RUNX3: variants seen among roughly 807,000 people sequenced by gnomAD.
RUNX3 encodes the protein runt-related transcription factor 3.
Under a neutral mutation model 27.7 loss-of-function variants are expected in RUNX3, and 10 were observed. The observed-to-expected ratio is 0.36, with a 90% confidence interval of 0.22 to 0.61. The LOEUF (loss-of-function observed/expected upper bound fraction) is 0.61, where lower values mean the gene tolerates loss of function less well. Among genes scored for constraint, RUNX3 ranks in the 20% least tolerant of loss-of-function variants. The pLI is 0.72. For missense variants in RUNX3, 469 were observed against 629.5 expected (o/e 0.75, Z 2.73); for synonymous variants, 270 against 269.2 (o/e 1.00, Z -0.03).
At chr1:24,934,588 T>A (rs1158820663), upstream of RUNX3, among the ~76,000 whole-genome samples, 3 of 152,164 alleles carry the variant, frequency 2.0e-5, no homozygotes, top group Non-Finnish European at 2.9e-5. Context: ...GCGCCGCACA[T>A]GGGCATTGCT....
chr1:24,932,108 T>A (rs1323593070), upstream of RUNX3, among the ~76,000 whole-genome samples: 1 of 152,222 alleles, frequency 6.6e-6, no homozygotes. Context: ...CAGGTGGTGG[T>A]AAATTCCATT....
chr1:24,914,972 C>T (rs1442056766), intron 3 of RUNX3, among the ~76,000 whole-genome samples: 5 of 152,224 alleles, frequency 3.3e-5, no homozygotes, highest in Admixed American at 3.3e-4. Flanking sequence ...TGTTTTTCTT[C>T]ATAGGACTTC....
chr1:24,951,869 T>C (rs1641776518), intron 2 of RUNX3, among the ~76,000 whole-genome samples: 1 of 152,130 alleles, frequency 6.6e-6, no homozygotes, highest in African/African-American at 2.4e-5. Context: ...GAGGATTAAA[T>C]GAGCTAAGGT....
rs1047340194 is a variant in RUNX3, at chr1:24,902,787, G to T, written c.704-121C>A. 37 of 837,592 alleles carry T rather than the reference G, an allele frequency of 4.4e-5. No individual in the cohort carries two copies. In the Admixed American group the frequency reaches 9.1e-4, roughly 20 times the overall value. The allele number at this position is 837,592 out of a possible 1,614,324, so 51.9% of individuals were successfully genotyped here. A position where few individuals can be genotyped will look rare whatever the true frequency, so the allele number is the denominator to read the frequency against. ...CTGGGGGACCCCTAGTTCTAGACCTGGCTCTCCTCTTCCTGCCCTAGGCTG... is the reference window on the plus strand; with the variant it reads ...CTGGGGGACCCCTAGTTCTAGACCTTGCTCTCCTCTTCCTGCCCTAGGCTG... On this transcript the variant is annotated intron_variant, in intron 4 of 4. Coordinates refer to ENST00000308873, the MANE Select transcript of RUNX3 (RefSeq NM_004350.3). The surrounding 1 kb of genome is among the most constrained non-coding windows in gnomAD (Gnocchi z 9.2).
rs923551593 is a variant in RUNX3, at chr1:24,901,941, C to T, written c.*181G>A. The T allele has an allele frequency of 1.5e-5, 9 of 592,508 alleles. No individual in the cohort carries two copies. In the African/African-American group the frequency reaches 1.7e-4, roughly 11 times the overall value. The allele number at this position is 592,508 out of a possible 1,614,324, so 36.7% of individuals were successfully genotyped here. On this transcript the variant is annotated 3_prime_UTR_variant, in exon 5 of 5. Coordinates refer to ENST00000308873, the MANE Select transcript of RUNX3 (RefSeq NM_004350.3). ...GGGGTGGGGGTGGTAACCTATGCCTCTGTACAAGGATGTGGCTGCACAGAT... is the reference window on the plus strand; with the variant it reads ...GGGGTGGGGGTGGTAACCTATGCCTTTGTACAAGGATGTGGCTGCACAGAT...
At chr1:24,922,568 C>G (rs549460239) in intron 2 of RUNX3, among the ~76,000 whole-genome samples, 197 of 152,272 alleles carry the variant, frequency 1.3e-3, no homozygotes, top group African/African-American at 4.3e-3. Flanking sequence ...CTCATCACAA[C>G]TTCAAAACCA....
At chr1:24,941,510 G>A (rs1396139744) in intron 2 of RUNX3, among the ~76,000 whole-genome samples, 3 of 152,238 alleles carry the variant, frequency 2.0e-5, no homozygotes, top group Admixed American at 6.5e-5. Flanking sequence ...CGGAGGCATA[G>A]CAAGGTCAGG....
intron 4 of RUNX3, among the ~76,000 whole-genome samples, chr1:24,903,350 T>C (rs1212456726): frequency 6.6e-6 from 1 of 152,122 alleles, no homozygotes; most frequent in Non-Finnish European, 1.5e-5. Flanking sequence ...TGGGCCTGTG[T>C]CTCTGGAGCC....
chr1:24,911,735 T>C (rs1292431700), intron 3 of RUNX3, among the ~76,000 whole-genome samples: 3 of 152,120 alleles, frequency 2.0e-5, no homozygotes, highest in African/African-American at 7.2e-5. Context: ...CAGGGCTCTT[T>C]TCCTGACACT....
At chr1:24,964,425 T>C in intron 2 of RUNX3, 1 of 1,082,540 alleles carries the variant, frequency 9.2e-7, no homozygotes, top group South Asian at 1.3e-5. Flanking sequence ...GGCTGTGCGC[T>C]TGAGGGCAGC....
At chr1:24,908,269 G>A (rs1283540531) in intron 3 of RUNX3, among the ~76,000 whole-genome samples, 2 of 150,272 alleles carry the variant, frequency 1.3e-5, no homozygotes, top group Non-Finnish European at 2.9e-5. Flanking sequence ...GACACGCGGT[G>A]ATCCAAACCT....
rs918428535 is a variant in RUNX3 at position 24,927,067 on chromosome 1, G to A, written c.439+507C>T. ...TTCAGCTGCGTTAGCTTCCGTTCTA[G>A]ACCACCTAGGGCTCAAAGGCGCTGG... On this transcript the variant is annotated intron_variant, in intron 2 of 4. Coordinates refer to ENST00000308873, the MANE Select transcript of RUNX3 (RefSeq NM_004350.3). The surrounding 1 kb of genome is among the most constrained non-coding windows in gnomAD (Gnocchi z 5.0). 1.3e-5 allele frequency among the ~76,000 whole-genome samples: 2 copies of A among 152,168 alleles called. No homozygotes were observed. The highest frequency in any genetic ancestry group is 2.9e-5 in the Non-Finnish European group (2 of 68,032).
intron 3 of RUNX3, among the ~76,000 whole-genome samples, chr1:24,910,570 C>G (rs74060472): frequency 3.3e-5 from 5 of 152,282 alleles, no homozygotes; most frequent in African/African-American, 9.6e-5. Context: ...AGAATGGGAA[C>G]GCAATGGATT....
At chr1:24,929,561 C>T (rs1310232116) in intron 1 of RUNX3, 26 bp downstream of exon 1, 6 of 1,583,246 alleles carry the variant, frequency 3.8e-6, no homozygotes, top group Non-Finnish European at 5.1e-6. Context: ...GGGCCGGCGC[C>T]CTCCCGCCCC....
At chr1:24,944,683 A>G (rs532335931) in intron 2 of RUNX3, among the ~76,000 whole-genome samples, 14 of 152,306 alleles carry the variant, frequency 9.2e-5, no homozygotes, top group African/African-American at 3.4e-4. Flanking sequence ...GGAACCTGAG[A>G]GATGGCAGCG....
chr1:24,914,699 C>T (rs1640855890), intron 3 of RUNX3, among the ~76,000 whole-genome samples: 1 of 152,150 alleles, frequency 6.6e-6, no homozygotes, highest in South Asian at 2.1e-4. Flanking sequence ...AGGAGACACT[C>T]CTGGGGGTTG....
At chr1:24,948,474 C>T (rs1167503725) in intron 2 of RUNX3, among the ~76,000 whole-genome samples, 2 of 152,116 alleles carry the variant, frequency 1.3e-5, no homozygotes, top group Non-Finnish European at 2.9e-5. Flanking sequence ...CCAGCACACC[C>T]GCAGGTCTTA....
intron 3 of RUNX3, among the ~76,000 whole-genome samples, chr1:24,918,594 G>T (rs138838625): frequency 0.047 from 7,134 of 150,854 alleles, 176 homozygotes; most frequent in Middle Eastern, 0.068. Flanking sequence ...CATTCAGTCA[G>T]TCAGTCAGTC....
chr1:24,942,627 A>G (rs571196617), intron 2 of RUNX3, among the ~76,000 whole-genome samples: 1 of 152,138 alleles, frequency 6.6e-6, no homozygotes, highest in South Asian at 2.1e-4. Flanking sequence ...AACTGGCTTT[A>G]CCCACCTGCC....
Sources: allele counts gnomAD v4.1 joint callset (sites outside exome capture counted in the v4.1 genomes callset), GRCh38; gene constraint gnomAD v4.1.1; non-coding constraint Gnocchi (gnomAD v3.1); transcripts MANE v1.5; gene names NCBI Gene and HGNC (gene_info 2026-07-23, HGNC 2026-07-21).